The following CHST11 variants were observed in gnomAD, a reference collection of about 807,000 sequenced individuals.
CHST11 encodes C4S-1.
In CHST11, 9 loss-of-function variants were observed where a neutral mutation model predicts 30.4. That is an observed-to-expected ratio of 0.30 (90% CI 0.18 to 0.52). The LOEUF (loss-of-function observed/expected upper bound fraction) is 0.52. Among genes scored for constraint, CHST11 ranks in the 20% least tolerant of loss-of-function variants. The pLI, the probability that CHST11 is intolerant of heterozygous loss-of-function variation, is 0.97. For missense variants in CHST11, 348 were observed against 460.6 expected (o/e 0.76, Z 2.24); for synonymous variants, 152 against 187.8 (o/e 0.81, Z 1.56).
chr12:104,578,233 C>T (rs191323160), intron 1 of CHST11, among the ~76,000 whole-genome samples: 2 of 152,332 alleles, frequency 1.3e-5, no homozygotes, highest in African/African-American at 4.8e-5. Flanking sequence ...CCATCACTGA[C>T]TTCCTGGTCT....
chr12:104,521,602 G>A (rs753268244), intron 1 of CHST11, among the ~76,000 whole-genome samples: 7 of 152,194 alleles, frequency 4.6e-5, no homozygotes, highest in Non-Finnish European at 1.0e-4. Flanking sequence ...GAAGGTGACT[G>A]CATCTAGCTT....
intron 2 of CHST11, among the ~76,000 whole-genome samples, chr12:104,630,298 G>A (rs189531654): frequency 1.6e-3 from 245 of 152,286 alleles, no homozygotes; most frequent in Middle Eastern, 3.4e-3. Context: ...TGGGGAAGTT[G>A]CTTAACTTCT....
chr12:104,594,343 C>T (rs144807797), intron 1 of CHST11, among the ~76,000 whole-genome samples: 2 of 152,120 alleles, frequency 1.3e-5, no homozygotes, highest in South Asian at 2.1e-4. Context: ...CTACAGGATC[C>T]TTGAAATAAA....
chr12:104,592,186 C>T (rs565053706), intron 1 of CHST11, among the ~76,000 whole-genome samples: 12 of 151,826 alleles, frequency 7.9e-5, no homozygotes, highest in South Asian at 2.1e-4. Context: ...TCTCCCTTCC[C>T]GTCTCTCATG....
chr12:104,753,396 C>T (rs970250118), intron 2 of CHST11, among the ~76,000 whole-genome samples: 1 of 152,240 alleles, frequency 6.6e-6, no homozygotes, highest in Non-Finnish European at 1.5e-5. Context: ...ACAACGAGCA[C>T]TCACCCAGTC....
At chr12:104,585,219 G>A (rs190356447) in intron 1 of CHST11, among the ~76,000 whole-genome samples, 216 of 152,178 alleles carry the variant, frequency 1.4e-3, no homozygotes, top group Admixed American at 9.8e-3. Context: ...TTCAACAGCC[G>A]CACTTCAGCC....
intron 1 of CHST11, among the ~76,000 whole-genome samples, chr12:104,556,596 C>T (rs965321313): frequency 6.6e-6 from 1 of 152,216 alleles, no homozygotes; most frequent in African/African-American, 2.4e-5. Context: ...CACGTCTCTC[C>T]AGGCTCTGCC....
At chr12:104,585,313 A>T (rs2038792704) in intron 1 of CHST11, among the ~76,000 whole-genome samples, 1 of 152,238 alleles carries the variant, frequency 6.6e-6, no homozygotes, top group South Asian at 2.1e-4. Context: ...TCTGTCTGTT[A>T]ACTGTGCAAC....
intron 2 of CHST11, among the ~76,000 whole-genome samples, chr12:104,697,962 G>A (rs527441043): frequency 6.6e-6 from 1 of 152,084 alleles, no homozygotes; most frequent in African/African-American, 2.4e-5. Flanking sequence ...GAATATTTGG[G>A]CCTCTTCTCC....
chr12:104,578,899 T>A (rs2038711089), intron 1 of CHST11, among the ~76,000 whole-genome samples: 1 of 152,200 alleles, frequency 6.6e-6, no homozygotes, highest in Non-Finnish European at 1.5e-5. Context: ...TCTTGTGACA[T>A]GCAGTTGTCT....
rs1220457409 is a variant in CHST11, at chr12:104,757,845, G to A, written c.*42G>A. 1 of 1,538,148 alleles carries A rather than the reference G, an allele frequency of 6.5e-7. No individual in the cohort carries two copies. The highest frequency in any genetic ancestry group is 2.3e-5 in the East Asian group (1 of 44,296). On this transcript the variant is annotated 3_prime_UTR_variant, in exon 3 of 3. Coordinates refer to ENST00000303694, the MANE Select transcript of CHST11 (RefSeq NM_018413.6). The surrounding 1 kb of genome is among the most constrained non-coding windows in gnomAD (Gnocchi z 6.5). Reference sequence around the variant, plus strand: ...GAGAGAATCATGCTTTTTAATTTAAGATTTTTATTTGTCAAAAGAATTATA... The same window carrying A: ...GAGAGAATCATGCTTTTTAATTTAAAATTTTTATTTGTCAAAAGAATTATA...
At chr12:104,548,253 G>GAAGGAGGC (rs2136007084) in intron 1 of CHST11, among the ~76,000 whole-genome samples, 1 of 152,338 alleles carries the variant, frequency 6.6e-6, no homozygotes, top group African/African-American at 2.4e-5. Context: ...AGAAAGCAGG[G>GAAGGAGGC]AAGGAGGCAA....
chr12:104,476,720 C>G (rs1299615754), intron 1 of CHST11, among the ~76,000 whole-genome samples: 3 of 151,790 alleles, frequency 2.0e-5, no homozygotes, highest in Non-Finnish European at 4.4e-5. Flanking sequence ...TATTGATGCT[C>G]CAACCAGCAG....
Position 104,618,745 on chromosome 12 carries a change from A to C in CHST11, c.204+16754A>C, listed in dbSNP as rs73386283. ...TCATTCCCCATTTTACAGATGAGGC[A>C]CCTGAGGCATAGAGAGGCGTTTTGT... is the stretch of plus-strand genomic sequence containing the variant. On this transcript the variant is annotated intron_variant, in intron 2 of 2. Transcript: ENST00000303694. 3.9e-3 allele frequency among the ~76,000 whole-genome samples: 597 copies of C among 152,210 alleles called. 8 individuals are homozygous for C. The highest frequency in any genetic ancestry group is 0.014 in the African/African-American group (561 of 41,522).
At chr12:104,488,417 GTGTCTATGTA>G (rs1469140013) in intron 1 of CHST11, among the ~76,000 whole-genome samples, 4 of 151,256 alleles carry the variant, frequency 2.6e-5, no homozygotes, top group South Asian at 2.1e-4. Flanking sequence ...GTATGTGTAT[GTGTCTATGTA>G]TGTGTATGCA....
intron 1 of CHST11, among the ~76,000 whole-genome samples, chr12:104,543,804 T>A (rs573472879): frequency 6.6e-6 from 1 of 152,144 alleles, no homozygotes; most frequent in Admixed American, 6.5e-5. Context: ...ATTATTATAT[T>A]TTTCCCTTTA....
intron 1 of CHST11, among the ~76,000 whole-genome samples, chr12:104,551,528 A>G (rs951143434): frequency 6.6e-6 from 1 of 152,174 alleles, no homozygotes; most frequent in African/African-American, 2.4e-5. Flanking sequence ...TCTTGCAAGA[A>G]GAAATGAGAT....
intron 1 of CHST11, among the ~76,000 whole-genome samples, chr12:104,469,553 G>C (rs989586934): frequency 7.9e-5 from 12 of 152,156 alleles, no homozygotes; most frequent in Non-Finnish European, 2.9e-5. Flanking sequence ...GGTTAGCATG[G>C]CTCATTGCAC....
rs201314775 is a variant in CHST11 at position 104,457,365 on chromosome 12, C to G, written c.-47C>G. On this transcript the variant is annotated 5_prime_UTR_variant, in exon 1 of 3. Coordinates refer to ENST00000303694, the MANE Select transcript of CHST11 (RefSeq NM_018413.6). ...CGGCGGGGTCCCTGCTCCTGCGCCCCGGGCGCGCTTCCCGGACACCCCGGT... is the reference window on the plus strand; with the variant it reads ...CGGCGGGGTCCCTGCTCCTGCGCCCGGGGCGCGCTTCCCGGACACCCCGGT... The G allele has an allele frequency of 1.2e-5, 18 of 1,453,080 alleles. No homozygotes were observed. The Admixed American group carries it at 2.7e-4, about 21-fold the overall frequency. 90.0% of individuals were successfully genotyped at this position (1,453,080 alleles called of 1,614,324 possible).
Sources: gnomAD v4.1 joint callset for allele counts (sites outside exome capture counted in the v4.1 genomes callset) on GRCh38, gnomAD v4.1.1 for gene constraint, Gnocchi (gnomAD v3.1) non-coding constraint, MANE v1.5 for transcripts, NCBI Gene and HGNC (gene_info 2026-07-23, HGNC 2026-07-21) for gene names.